The following TNPO1 variants were observed in gnomAD, a reference collection of about 807,000 sequenced individuals.
TNPO1 encodes the protein transportin-1.
TNPO1 carries 8 observed loss-of-function variants against 119.5 expected under a neutral mutation model. The ratio of observed to expected loss-of-function variants is 0.07; its 90% CI spans 0.04 to 0.12. The LOEUF (loss-of-function observed/expected upper bound fraction) is 0.12, where lower values mean the gene tolerates loss of function less well. Among genes scored for constraint, TNPO1 ranks in the 10% least tolerant of loss-of-function variants. The pLI is 1.00. For synonymous variants in TNPO1, 362 were observed against 363.0 expected, an observed-to-expected ratio of 1.00 and a Z score of 0.03; for missense variants, 576 against 1,089.8, an observed-to-expected ratio of 0.53 and a Z score of 6.64.
chr5:72,849,467 A>C (rs970051875), intron 2 of TNPO1, among the ~76,000 whole-genome samples: 1 of 152,196 alleles, frequency 6.6e-6, no homozygotes, highest in Non-Finnish European at 1.5e-5. Flanking sequence ...AAGCAGCAAA[A>C]TTACTTAATA....
chr5:72,864,759 C>A (rs1746753557), intron 5 of TNPO1, among the ~76,000 whole-genome samples: 1 of 152,080 alleles, frequency 6.6e-6, no homozygotes, highest in South Asian at 2.1e-4. Context: ...CAGGCATGCA[C>A]CACCACGCCC....
intron 1 of TNPO1, among the ~76,000 whole-genome samples, chr5:72,823,514 C>T (rs1336470107): frequency 6.6e-6 from 1 of 152,138 alleles, no homozygotes; most frequent in Non-Finnish European, 1.5e-5. Flanking sequence ...CCTATTTTTG[C>T]AGCTCACTCC....
chr5:72,822,784 G>A (rs1744024898), intron 1 of TNPO1, among the ~76,000 whole-genome samples: 1 of 151,824 alleles, frequency 6.6e-6, no homozygotes, highest in African/African-American at 2.4e-5. Flanking sequence ...GTAGAGATGG[G>A]GTTTCACTGT....
chr5:72,872,755 A>C, intron 7 of TNPO1, 35 bp downstream of exon 7: 4 of 1,455,894 alleles, frequency 2.7e-6, no homozygotes, highest in Non-Finnish European at 2.8e-6. Flanking sequence ...CCAACCCCCC[A>C]GCTTTTTTTT....
At chr5:72,844,652 T>C (rs1381767897) in intron 1 of TNPO1, among the ~76,000 whole-genome samples, 7 of 152,220 alleles carry the variant, frequency 4.6e-5, no homozygotes, top group Non-Finnish European at 1.0e-4. Context: ...GGACCTATGA[T>C]CTGCATACAG....
chr5:72,843,166 T>C (rs1744985546), intron 1 of TNPO1, among the ~76,000 whole-genome samples: 1 of 152,220 alleles, frequency 6.6e-6, no homozygotes, highest in Non-Finnish European at 1.5e-5. Flanking sequence ...TTGTATGACT[T>C]GTAAATGTCT....
At chr5:72,898,503 GCATAAAGTATTGTTTTCTTTATTTCTT>G (rs1561358149) in intron 20 of TNPO1, among the ~76,000 whole-genome samples, 2 of 152,072 alleles carry the variant, frequency 1.3e-5, no homozygotes, top group Admixed American at 6.5e-5. Context: ...ACAAGTGGCT[GCATAAAGTATTGTTTTCTTTATTTCTT>G]ACCCAAAAAA....
At chr5:72,822,440 CTT>C (rs1744004102) in intron 1 of TNPO1, among the ~76,000 whole-genome samples, 1 of 151,708 alleles carries the variant, frequency 6.6e-6, no homozygotes, top group Admixed American at 6.6e-5. Context: ...GTAAAAATAT[CTT>C]TGACCCAGCA....
chr5:72,825,847 T>C (rs1029566667), intron 1 of TNPO1: 2 of 152,292 alleles, frequency 1.3e-5, no homozygotes, highest in African/African-American at 4.8e-5. Flanking sequence ...CTGTCATTTA[T>C]AAGCTATCTC....
Position 72,911,442 on chromosome 5 carries a change from T to A in TNPO1, c.*2769T>A, listed in dbSNP as rs1162312879. On this transcript the variant is annotated 3_prime_UTR_variant, in exon 25 of 25. Transcript: ENST00000337273. ...ATTTTTCCCCCTTGAGGTTATTGTT[T>A]CTTCCTAATTTATATTTCAGATACA... is the stretch of plus-strand genomic sequence containing the variant. 2 of 152,542 alleles carry A rather than the reference T, an allele frequency of 1.3e-5. No homozygotes were observed. Among genetic ancestry groups the A allele is most frequent in the Non-Finnish European group, 2.9e-5 (2 of 67,954 alleles). The allele number at this position is 152,542 out of a possible 1,614,324, so 9.4% of individuals were successfully genotyped here.
Position 72,848,502 on chromosome 5 carries a change from T to C in TNPO1, c.129+4T>C. On this transcript the variant is annotated splice_donor_region_variant and intron_variant, in intron 2 of 24. Coordinates refer to ENST00000337273, the MANE Select transcript of TNPO1 (RefSeq NM_002270.4). ...CATCCAGAGAACCGTGCAACAAGTA[T>C]CCTTTCCGAGGCCTGGCCGCCACCC... is the stretch of plus-strand genomic sequence containing the variant. 6.4e-7 allele frequency: 1 copy of C among 1,550,826 alleles called. No homozygotes were observed. The highest frequency in any genetic ancestry group is 1.2e-5 in the South Asian group (1 of 84,362).
chr5:72,860,268 T>G (rs72764810), intron 4 of TNPO1, among the ~76,000 whole-genome samples: 18,177 of 152,220 alleles, frequency 0.12, 1,286 homozygotes, highest in Non-Finnish European at 0.17. Context: ...AAAATAACCC[T>G]ATGAAGAGTT....
rs888021266 is a variant in TNPO1, at chr5:72,902,113, A to G, written c.2514+1040A>G. 2.6e-5 allele frequency among the ~76,000 whole-genome samples: 4 copies of G among 152,106 alleles called. 1 individual carries two copies. The highest frequency in any genetic ancestry group is 2.6e-4 in the Admixed American group (4 of 15,276). On this transcript the variant is annotated intron_variant, in intron 22 of 24. Transcript: ENST00000337273. ...ATGTAGTTGAGGGAGGGAAGCAAAG[A>G]ACTAAATTTTGGTTTCCAGGAATGC... is the stretch of plus-strand genomic sequence containing the variant.
intron 24 of TNPO1, among the ~76,000 whole-genome samples, chr5:72,906,304 T>C (rs1287811547): frequency 1.6e-5 from 2 of 127,900 alleles, no homozygotes; most frequent in Non-Finnish European, 3.2e-5. Flanking sequence ...TTTTTTTTTT[T>C]TTTTTTTTTG....
chr5:72,902,596 A>C (rs1475422158), intron 22 of TNPO1, among the ~76,000 whole-genome samples: 1 of 151,932 alleles, frequency 6.6e-6, no homozygotes, highest in Non-Finnish European at 1.5e-5. Flanking sequence ...CATCTTTTTC[A>C]AAAGTATCTT....
intron 1 of TNPO1, among the ~76,000 whole-genome samples, chr5:72,846,874 T>G (rs1745153067): frequency 6.6e-6 from 1 of 152,224 alleles, no homozygotes; most frequent in South Asian, 2.1e-4. Context: ...ATTCACTTTT[T>G]ATTGAAATAT....
intron 15 of TNPO1, 21 bp from the exon 16 acceptor site, chr5:72,893,118 T>C: frequency 1.3e-6 from 2 of 1,583,238 alleles, no homozygotes; most frequent in South Asian, 1.1e-5. Flanking sequence ...AAGTTTAGCA[T>C]GTGTACTTTA....
chr5:72,906,294 T>TC (rs1750158811), intron 24 of TNPO1, among the ~76,000 whole-genome samples: 1 of 119,410 alleles, frequency 8.4e-6, no homozygotes, highest in South Asian at 3.1e-4. Context: ...TTTTTTTTTT[T>TC]TTTTTTTTTT....
chr5:72,834,326 C>T (rs1169822500), intron 1 of TNPO1, among the ~76,000 whole-genome samples: 1 of 152,176 alleles, frequency 6.6e-6, no homozygotes, highest in African/African-American at 2.4e-5. Flanking sequence ...ACCACCTCAG[C>T]CAGGTCCTTC....
Sources: gnomAD v4.1 joint callset for allele counts (sites outside exome capture counted in the v4.1 genomes callset) on GRCh38, gnomAD v4.1.1 for gene constraint, MANE v1.5 for transcripts, NCBI Gene and HGNC (gene_info 2026-07-23, HGNC 2026-07-21) for gene names.